The following RSF1 variants were observed in gnomAD, a reference collection of about 807,000 sequenced individuals.
RSF1 encodes HBV pX-associated protein 8.
RSF1 carries 13 observed loss-of-function variants against 145.2 expected under a neutral mutation model. The ratio of observed to expected loss-of-function variants is 0.09; its 90% CI spans 0.06 to 0.14. The LOEUF is 0.14. Ranked by LOEUF, RSF1 falls within the 10% of genes least tolerant of loss-of-function variation. RSF1 has a pLI of 1.00. For missense variants in RSF1, 1,517 were observed against 1,718.2 expected (o/e 0.88, Z 2.07); for synonymous variants, 577 against 592.6 (o/e 0.97, Z 0.38).
chr11:77,681,457 C>A (rs1363080210), intron 11 of RSF1, among the ~76,000 whole-genome samples: 1 of 152,090 alleles, frequency 6.6e-6, no homozygotes. Flanking sequence ...TCCCTGCCAC[C>A]CTCTCTCTTA....
chr11:77,772,986 A>C (rs1463204715), intron 1 of RSF1, among the ~76,000 whole-genome samples: 2 of 152,018 alleles, frequency 1.3e-5, no homozygotes, highest in Non-Finnish European at 2.9e-5. Context: ...GAATCAAACC[A>C]CTTTCTGCGC....
At chr11:77,820,133 G>A (rs755273981) in intron 1 of RSF1, among the ~76,000 whole-genome samples, 38 of 152,172 alleles carry the variant, frequency 2.5e-4, no homozygotes, top group Non-Finnish European at 1.0e-4. Flanking sequence ...TGGGGAGGAG[G>A]AGAAAAGCGC....
intron 4 of RSF1, chr11:77,735,109 G>A: frequency 2.5e-6 from 2 of 813,834 alleles, no homozygotes; most frequent in Non-Finnish European, 4.1e-6. Context: ...GCGGTCTGAG[G>A]GTGCCGTGAA....
intron 4 of RSF1, among the ~76,000 whole-genome samples, chr11:77,730,089 T>C (rs1210032914): frequency 6.6e-6 from 1 of 152,044 alleles, no homozygotes; most frequent in African/African-American, 2.4e-5. Context: ...CCCAATTAAG[T>C]AGGTATTAAA....
Position 77,710,945 on chromosome 11 carries a change from C to A in RSF1, c.734-8450G>T, listed in dbSNP as rs370075385. On this transcript the variant is annotated intron_variant, in intron 5 of 15. Coordinates refer to ENST00000308488, the MANE Select transcript of RSF1 (RefSeq NM_016578.4). ...ACAAGATGATTCCTAGCTTATCATG[C>A]TGCAGAACTGAAATCAACCATTTTT... 1.8e-3 allele frequency among the ~76,000 whole-genome samples: 270 copies of A among 152,198 alleles called. 4 individuals carry two copies. The highest frequency in any genetic ancestry group is 5.9e-3 in the African/African-American group (243 of 41,526).
chr11:77,798,602 A>C (rs1472815645), intron 1 of RSF1, among the ~76,000 whole-genome samples: 1 of 141,214 alleles, frequency 7.1e-6, no homozygotes, highest in African/African-American at 2.7e-5. Context: ...AAAAAAAAAA[A>C]AAAAAAAAAA....
At chr11:77,673,767 T>C (rs543259386) in intron 14 of RSF1, among the ~76,000 whole-genome samples, 1 of 152,286 alleles carries the variant, frequency 6.6e-6, no homozygotes, top group South Asian at 2.1e-4. Flanking sequence ...ACTCAGAAGA[T>C]GCAACATTCT....
chr11:77,825,432 C>T (rs963833760), upstream of RSF1, among the ~76,000 whole-genome samples: 1 of 152,068 alleles, frequency 6.6e-6, no homozygotes, highest in Non-Finnish European at 1.5e-5. Flanking sequence ...ACAAGCTGCG[C>T]ACGGTGGTTC....
At chr11:77,818,937 C>T (rs562364055) in intron 1 of RSF1, among the ~76,000 whole-genome samples, 28 of 151,998 alleles carry the variant, frequency 1.8e-4, no homozygotes, top group Non-Finnish European at 3.1e-4. Context: ...TTAAATTAGC[C>T]TTTTGTAAGC....
At chr11:77,779,383 A>ATT (rs1565178107) in intron 1 of RSF1, among the ~76,000 whole-genome samples, 5 of 138,532 alleles carry the variant, frequency 3.6e-5, no homozygotes, top group East Asian at 2.2e-4. Flanking sequence ...TTCTAAAAAA[A>ATT]ATTTTTTTTT....
At chr11:77,793,090 AAT>A (rs1162519352) in intron 1 of RSF1, among the ~76,000 whole-genome samples, 1 of 152,230 alleles carries the variant, frequency 6.6e-6, no homozygotes, top group Non-Finnish European at 1.5e-5. Flanking sequence ...AGAAAACAAC[AAT>A]ATGACAGGAA....
chr11:77,698,473 C>T lies in RSF1; in HGVS notation c.2715+14G>A. ...CTGTAATATGAGTATTCTTCATTTA[C>T]ATCAGGTACATACTAGCTCAGGATG... On this transcript the variant is annotated intron_variant, in intron 7 of 15. Coordinates refer to ENST00000308488, the MANE Select transcript of RSF1 (RefSeq NM_016578.4). The T allele has an allele frequency of 6.2e-7, 1 of 1,610,152 alleles. No homozygotes were observed. The highest frequency in any genetic ancestry group is 1.1e-5 in the South Asian group (1 of 91,008).
chr11:77,823,248 T>C (rs909360357), upstream of RSF1, among the ~76,000 whole-genome samples: 1 of 147,402 alleles, frequency 6.8e-6, no homozygotes, highest in Non-Finnish European at 1.5e-5. Context: ...ATTAAAATCC[T>C]ACTTCAGGAA....
rs1167177610 is a variant in RSF1 at position 77,666,893 on chromosome 11, T to C, written c.*24A>G. On this transcript the variant is annotated 3_prime_UTR_variant, in exon 16 of 16. Transcript: ENST00000308488. ...GTGTGAGAGCTACCGTGGAATAAATTAGCACAAAAATGGAAAAAAAGTCTT... is the reference window on the plus strand; with the variant it reads ...GTGTGAGAGCTACCGTGGAATAAATCAGCACAAAAATGGAAAAAAAGTCTT... The C allele has an allele frequency of 1.3e-6, 2 of 1,498,988 alleles. No individual in the cohort carries two copies. The allele number at this position is 1,498,988 out of a possible 1,614,324, so 92.9% of individuals were successfully genotyped here. A position where few individuals can be genotyped will look rare whatever the true frequency, so the allele number is the denominator to read the frequency against.
chr11:77,721,503 T>C (rs914850556), intron 5 of RSF1, among the ~76,000 whole-genome samples: 2 of 152,174 alleles, frequency 1.3e-5, no homozygotes, highest in Non-Finnish European at 2.9e-5. Context: ...TGCCTAGTTT[T>C]GAATATTAGG....
chr11:77,689,530 A>T (rs1960094758), intron 9 of RSF1, among the ~76,000 whole-genome samples: 1 of 152,220 alleles, frequency 6.6e-6, no homozygotes, highest in African/African-American at 2.4e-5. Flanking sequence ...TGAGAACCCC[A>T]AATCCTATGA....
At chr11:77,831,641 A>G in the RSF1 span, among the ~76,000 whole-genome samples, 1 of 150,934 alleles carries the variant, frequency 6.6e-6, no homozygotes, top group African/African-American at 2.4e-5. Flanking sequence ...ATGGGATGTA[A>G]TTTCTTCCAC....
In RSF1 at chr11:77,663,462, A is replaced by G. The variant is rs191193881; in HGVS notation, c.*3455T>C. On this transcript the variant is annotated 3_prime_UTR_variant, in exon 16 of 16. Transcript: ENST00000308488. The stretch of plus-strand genomic sequence containing the variant: ...TTTAAAATTAATTTGTTTAAAAATT[A>G]TTTTTCAAAAGCTTCATTAGCATTT... The G allele has an allele frequency of 4.6e-5, 7 of 152,262 alleles. No homozygotes were observed. The highest frequency in any genetic ancestry group is 2.0e-4 in the Admixed American group (3 of 15,290). 9.4% of individuals were successfully genotyped at this position (152,262 alleles called of 1,614,324 possible).
the RSF1 span, chr11:77,866,643 C>T: frequency 6.6e-6 from 1 of 151,866 alleles, no homozygotes; most frequent in Non-Finnish European, 1.5e-5. Context: ...CTCCTATGAC[C>T]TTACACTTGG....
Sources: gnomAD v4.1 joint callset for allele counts (sites outside exome capture counted in the v4.1 genomes callset) on GRCh38, gnomAD v4.1.1 for gene constraint, MANE v1.5 for transcripts, NCBI Gene and HGNC (gene_info 2026-07-23, HGNC 2026-07-21) for gene names.